Variants in CSMD2 observed in about 807,000 individuals in gnomAD.
The protein encoded by CSMD2 is CUB and sushi domain-containing protein 2.
In CSMD2, 130 loss-of-function variants were observed where a neutral mutation model predicts 398.5. That is an observed-to-expected ratio of 0.33 (90% CI 0.28 to 0.38). The LOEUF (loss-of-function observed/expected upper bound fraction) is 0.38. Among genes scored for constraint, CSMD2 ranks in the 10% least tolerant of loss-of-function variants. The probability of loss-of-function intolerance (pLI) is 1.00; values close to 1 mark genes in which losing one functional copy is unlikely to be tolerated. For synonymous variants in CSMD2, 1,828 were observed against 1,908.5 expected (o/e 0.96, Z 1.10); for missense variants, 3,829 against 4,764.9 (o/e 0.80, Z 5.78).
At chr1:33,756,869 G>A (rs1649099665) in intron 13 of CSMD2, among the ~76,000 whole-genome samples, 1 of 152,106 alleles carries the variant, frequency 6.6e-6, no homozygotes, top group African/African-American at 2.4e-5. Context: ...TATGTTTATT[G>A]CGGCATTATT....
chr1:33,903,775 T>C (rs963224840), intron 5 of CSMD2, among the ~76,000 whole-genome samples: 6 of 152,254 alleles, frequency 3.9e-5, no homozygotes, highest in African/African-American at 9.6e-5. Flanking sequence ...GATCCTCTGA[T>C]AGACAGCAAG....
chr1:33,782,635 T>C (rs1652928034), intron 12 of CSMD2, among the ~76,000 whole-genome samples: 1 of 152,114 alleles, frequency 6.6e-6, no homozygotes, highest in Non-Finnish European at 1.5e-5. Flanking sequence ...AAAAGGGAAT[T>C]GAGAGGGTGC....
chr1:33,541,100 C>T (rs1656291152), intron 59 of CSMD2, 30 bp downstream of exon 59: 9 of 1,608,158 alleles, frequency 5.6e-6, no homozygotes, highest in Non-Finnish European at 7.7e-6. Context: ...TTCTTTGGCT[C>T]TCTGTCCACA....
chr1:33,726,287 AG>A (rs573831094), intron 16 of CSMD2, among the ~76,000 whole-genome samples: 6 of 151,866 alleles, frequency 4.0e-5, no homozygotes, highest in African/African-American at 1.5e-4. Context: ...GGGGCTGGGG[AG>A]GGGGGAGCTC....
At chr1:33,621,361 T>C (rs1316455138) in intron 37 of CSMD2, among the ~76,000 whole-genome samples, 1 of 152,116 alleles carries the variant, frequency 6.6e-6, no homozygotes, top group Non-Finnish European at 1.5e-5. Flanking sequence ...TTGAACCATT[T>C]CTCTACCATC....
intron 22 of CSMD2, among the ~76,000 whole-genome samples, chr1:33,707,320 C>G (rs1571292111): frequency 6.6e-6 from 1 of 152,204 alleles, no homozygotes; most frequent in Non-Finnish European, 1.5e-5. Context: ...TCCAAGAAAG[C>G]CTCTGCATTG....
chr1:33,944,452 T>G (rs1015499833), intron 3 of CSMD2, among the ~76,000 whole-genome samples: 15 of 152,208 alleles, frequency 9.9e-5, no homozygotes, highest in African/African-American at 3.6e-4. Flanking sequence ...AGGTGGGCAT[T>G]GTGCTGACTG....
At chr1:33,710,287 C>G (rs561381546) in intron 21 of CSMD2, among the ~76,000 whole-genome samples, 10 of 152,244 alleles carry the variant, frequency 6.6e-5, no homozygotes, top group Admixed American at 6.5e-4. Context: ...TTGCTTGCTG[C>G]CTGTCCTGTG....
intron 6 of CSMD2, among the ~76,000 whole-genome samples, chr1:33,844,949 T>C (rs533437457): frequency 6.6e-6 from 1 of 152,332 alleles, no homozygotes; most frequent in East Asian, 1.9e-4. Flanking sequence ...CTGCTGCAGA[T>C]TTGTAAAATT....
At chr1:34,132,966 CT>C (rs59095706) in intron 1 of CSMD2, among the ~76,000 whole-genome samples, 3,714 of 144,314 alleles carry the variant, frequency 0.026, 49 homozygotes, top group South Asian at 0.048. Context: ...ACACACACAC[CT>C]TTTTTTTTTT....
chr1:33,679,440 T>C (rs1472676457), intron 25 of CSMD2, among the ~76,000 whole-genome samples: 1 of 152,124 alleles, frequency 6.6e-6, no homozygotes, highest in Non-Finnish European at 1.5e-5. Context: ...GACCTCGTGA[T>C]CCACCCACCT....
intron 56 of CSMD2, among the ~76,000 whole-genome samples, chr1:33,548,631 G>T (rs1443486784): frequency 6.6e-6 from 1 of 152,214 alleles, no homozygotes; most frequent in Admixed American, 6.5e-5. Context: ...GTTTCAGGAA[G>T]GGAGGAACTA....
intron 5 of CSMD2, among the ~76,000 whole-genome samples, chr1:33,849,894 C>T (rs912313992): frequency 1.3e-5 from 2 of 151,976 alleles, no homozygotes; most frequent in East Asian, 1.9e-4. Flanking sequence ...CAAAACAAAA[C>T]GAACCTTCAA....
intron 1 of CSMD2, among the ~76,000 whole-genome samples, chr1:34,124,209 A>G (rs1047648847): frequency 6.6e-6 from 1 of 152,166 alleles, no homozygotes; most frequent in Non-Finnish European, 1.5e-5. Context: ...TCCATCCATC[A>G]TGCACTCAGC....
intron 5 of CSMD2, among the ~76,000 whole-genome samples, chr1:33,905,303 G>C (rs530474086): frequency 6.6e-6 from 1 of 152,314 alleles, no homozygotes; most frequent in African/African-American, 2.4e-5. Context: ...AGGCTGGACA[G>C]AGAGTGGACG....
chr1:33,521,991 C>A (rs186885894), intron 67 of CSMD2, among the ~76,000 whole-genome samples: 63 of 152,284 alleles, frequency 4.1e-4, no homozygotes, highest in African/African-American at 1.5e-3. Context: ...CACACAGAAC[C>A]ATGCTGAAAA....
At chr1:33,880,662 A>G (rs188958405) in intron 5 of CSMD2, among the ~76,000 whole-genome samples, 1 of 152,364 alleles carries the variant, frequency 6.6e-6, no homozygotes, top group South Asian at 2.1e-4. Context: ...TCCAAGAGAA[A>G]CATTACTCAA....
At chr1:33,823,547 T>C (rs996700317) in intron 7 of CSMD2, among the ~76,000 whole-genome samples, 23 of 152,118 alleles carry the variant, frequency 1.5e-4, no homozygotes, top group Non-Finnish European at 2.9e-4. Flanking sequence ...GAAGCCGCAA[T>C]GTGCTCAGGA....
At chr1:34,159,127 C>G (rs1641076126) in intron 1 of CSMD2, among the ~76,000 whole-genome samples, 1 of 152,076 alleles carries the variant, frequency 6.6e-6, no homozygotes. Flanking sequence ...ACTGAGTGTC[C>G]ACTATGTGCT....
Sources: allele counts gnomAD v4.1 joint callset (sites outside exome capture counted in the v4.1 genomes callset), GRCh38; gene constraint gnomAD v4.1.1; transcripts MANE v1.5; gene names NCBI Gene and HGNC (gene_info 2026-07-23, HGNC 2026-07-21).